FAM78A: variants seen among roughly 807,000 people sequenced by gnomAD.
FAM78A encodes the protein family with sequence similarity 78 member A.
A neutral mutation model predicts 22.6 loss-of-function variants in FAM78A; 12 were observed. The observed-to-expected ratio is 0.53, with a 90% CI of 0.34 to 0.86. The LOEUF (loss-of-function observed/expected upper bound fraction) is 0.86. Among genes scored for constraint, FAM78A ranks in the 40% least tolerant of loss-of-function variants. The pLI, the probability that FAM78A is intolerant of heterozygous loss-of-function variation, is 0.02. For missense variants in FAM78A, 322 were observed against 396.1 expected, an observed-to-expected ratio of 0.81 and a Z score of 1.59; for synonymous variants, 151 against 155.8, an observed-to-expected ratio of 0.97 and a Z score of 0.23.
intron 1 of FAM78A, among the ~76,000 whole-genome samples, chr9:131,273,079 G>A (rs138275439): frequency 2.2e-4 from 34 of 152,318 alleles, no homozygotes; most frequent in Admixed American, 2.1e-3. Context: ...GGTTGAATCC[G>A]GGACTCTGTT....
At chr9:131,279,274 A>G (rs775051445), upstream of FAM78A, among the ~76,000 whole-genome samples, 12 of 152,224 alleles carry the variant, frequency 7.9e-5, no homozygotes, top group Non-Finnish European at 1.8e-4. Flanking sequence ...CATTTCCAGG[A>G]AGAAGTCTTC....
intron 1 of FAM78A, chr9:131,264,356 C>G: frequency 1.9e-6 from 1 of 519,688 alleles, no homozygotes; most frequent in Admixed American, 3.6e-5. Flanking sequence ...CTGCGTCACG[C>G]GGGGCATGGC....
chr9:131,273,018 G>A (rs1201372211), intron 1 of FAM78A, among the ~76,000 whole-genome samples: 1 of 152,160 alleles, frequency 6.6e-6, no homozygotes, highest in African/African-American at 2.4e-5. Context: ...TCAGCAAGGA[G>A]CTAAAGCAAG....
At position 131,275,958 on chromosome 9, in the gene FAM78A, C is replaced by T; in HGVS notation, c.222G>A (p.Gln74=). 1 of 1,613,560 alleles carries T rather than the reference C, an allele frequency of 6.2e-7. No homozygotes were observed. The highest frequency in any genetic ancestry group is 1.7e-5 in the Admixed American group (1 of 60,024). Residue 74 remains glutamine (Q), a synonymous_variant, in exon 1 of 2, where the codon CAG becomes CAA. Transcript: ENST00000372271. This position sits in a 1 kb window ranked among gnomAD's most constrained non-coding sequence, Gnocchi z 4.6. The part of the protein sequence containing the change: ...YRTPHFRASA[Q]VVMPPIPKKE... ...TCTTGGGGATGGGCGGCATGACCAC[C>T]TGGGCCGAGGCCCGGAAGTGGGGTG...
At position 131,272,963 on chromosome 9, in the gene FAM78A, T is replaced by TA. The variant is rs1010879048; in HGVS notation, c.323+2893dup. 8.4e-4 allele frequency among the ~76,000 whole-genome samples: 128 copies of TA among 151,606 alleles called. 1 individual carries two copies. Among genetic ancestry groups the TA allele is most frequent in the East Asian group, 7.8e-4 (4 of 5,158 alleles). ...TAAATAAATAAAAATAAATAAAAAT[T>TA]AAAAAAAAGATAACTAAATCCCACC... On this transcript the variant is annotated intron_variant, in intron 1 of 1. Transcript: ENST00000372271. The surrounding 1 kb of genome is among the most constrained non-coding windows in gnomAD (Gnocchi z 4.1).
At chr9:131,280,642 A>G (rs1835533877), upstream of FAM78A, among the ~76,000 whole-genome samples, 1 of 152,176 alleles carries the variant, frequency 6.6e-6, no homozygotes. Flanking sequence ...GTGGGAGGAC[A>G]AGGTCCTCAA....
At chr9:131,273,934 G>A (rs562301648) in intron 1 of FAM78A, among the ~76,000 whole-genome samples, 60 of 152,224 alleles carry the variant, frequency 3.9e-4, no homozygotes, top group Non-Finnish European at 7.3e-4. Context: ...CTGGAGAGTG[G>A]CAGAACCTGG....
chr9:131,270,600 G>A (rs1588199803), intron 1 of FAM78A: 1 of 703,008 alleles, frequency 1.4e-6, no homozygotes, highest in East Asian at 2.7e-5. Flanking sequence ...CTTGAAACAA[G>A]GACTTCCCTC....
At position 131,272,829 on chromosome 9, in the gene FAM78A, G is replaced by C. The variant is rs1004310017; in HGVS notation, c.323+3028C>G. Among the ~76,000 whole-genome samples, 1 of 152,192 alleles carries C rather than the reference G, an allele frequency of 6.6e-6. No individual in the cohort carries two copies. Among genetic ancestry groups the C allele is most frequent in the African/African-American group, 2.4e-5 (1 of 41,416 alleles). The stretch of plus-strand genomic sequence containing the variant: ...GCCTGTAATCCCAGCTACTCTGGAG[G>C]CTGGAGCCGGAGAATCACTTGAACC... On this transcript the variant is annotated intron_variant, in intron 1 of 1. Coordinates refer to ENST00000372271, the MANE Select transcript of FAM78A (RefSeq NM_033387.4). This position sits in a 1 kb window ranked among gnomAD's most constrained non-coding sequence, Gnocchi z 4.1.
chr9:131,272,924 C>G lies in FAM78A; in HGVS notation c.323+2933G>C, dbSNP rs1835437992. Among the ~76,000 whole-genome samples the G allele has an allele frequency of 6.6e-6, 1 of 151,970 alleles. No homozygotes were observed. The highest frequency in any genetic ancestry group is 6.6e-5 in the Admixed American group (1 of 15,254). The stretch of plus-strand genomic sequence containing the variant: ...TCCAGCCTGGGCGACAAGAATAAGA[C>G]TCTGTCTCAAAAATAAATAAATAAA... On this transcript the variant is annotated intron_variant, in intron 1 of 1. Coordinates refer to ENST00000372271, the MANE Select transcript of FAM78A (RefSeq NM_033387.4). This position sits in a 1 kb window ranked among gnomAD's most constrained non-coding sequence, Gnocchi z 4.1.
At chr9:131,279,967 G>A (rs1468824294), upstream of FAM78A, among the ~76,000 whole-genome samples, 1 of 152,206 alleles carries the variant, frequency 6.6e-6, no homozygotes, top group East Asian at 1.9e-4. Context: ...TCAGAACTAG[G>A]ATGGGACTGA....
At chr9:131,277,792 CTTTAT>C (rs1314024056), upstream of FAM78A, among the ~76,000 whole-genome samples, 1 of 151,430 alleles carries the variant, frequency 6.6e-6, no homozygotes, top group Non-Finnish European at 1.5e-5. This position sits in a 1 kb window ranked among gnomAD's most constrained non-coding sequence, Gnocchi z 8.4. Context: ...CGCGCGCCTC[CTTTAT>C]TTTATGATCA....
At chr9:131,266,630 G>A (rs1046757097) in intron 1 of FAM78A, among the ~76,000 whole-genome samples, 1 of 152,160 alleles carries the variant, frequency 6.6e-6, no homozygotes, top group South Asian at 2.1e-4. Flanking sequence ...GGTGCCTCCT[G>A]CTATTCAACG....
chr9:131,267,547 A>C (rs1258485086), intron 1 of FAM78A, among the ~76,000 whole-genome samples: 1 of 152,172 alleles, frequency 6.6e-6, no homozygotes, highest in South Asian at 2.1e-4. Flanking sequence ...AAGAAACAAA[A>C]TCAACTAAAT....
intron 1 of FAM78A, among the ~76,000 whole-genome samples, chr9:131,267,740 T>C (rs1458676501): frequency 6.6e-6 from 1 of 152,098 alleles, no homozygotes; most frequent in African/African-American, 2.4e-5. Flanking sequence ...GAAACACCTT[T>C]ACAGATAAAG....
At position 131,265,639 on chromosome 9, in the gene FAM78A, G is replaced by A. The variant is rs1835334665; in HGVS notation, c.324-4289C>T. Among the ~76,000 whole-genome samples the A allele has an allele frequency of 6.6e-6, 1 of 152,184 alleles. No individual in the cohort carries two copies. The highest frequency in any genetic ancestry group is 2.4e-5 in the African/African-American group (1 of 41,434). On this transcript the variant is annotated intron_variant, in intron 1 of 1. Coordinates refer to ENST00000372271, the MANE Select transcript of FAM78A (RefSeq NM_033387.4). The surrounding 1 kb of genome is among the most constrained non-coding windows in gnomAD (Gnocchi z 4.3). ...TGACCTCAGGTGACTGCCCGCCTCG[G>A]CCTCCCAAAGTGCTGGGATTACAGG...
rs1383091001 is a variant in FAM78A, at chr9:131,261,116, G to A, written c.558C>T (p.Asp186=). Residue 186 remains aspartate (D), a synonymous_variant, in exon 2 of 2, where the codon GAC becomes GAT. Transcript: ENST00000372271. The surrounding 1 kb of genome is among the most constrained non-coding windows in gnomAD (Gnocchi z 7.1). The stretch of plus-strand genomic sequence containing the variant: ...CCACCAGCCAGGTGGTGAAGCTCTG[G>A]TCCCGGTAGATATTGGTGAGCTTGG... The part of the protein sequence containing the change: ...NVAKLTNIYR[D]QSFTTWLVAT... 4.3e-6 allele frequency: 7 copies of A among 1,614,006 alleles called. No homozygotes were observed. Among genetic ancestry groups the A allele is most frequent in the African/African-American group, 1.3e-5 (1 of 74,918 alleles).
rs34529035 is a variant in FAM78A at position 131,258,132 on chromosome 9, T to TAAAAA, written c.*2685_*2689dup. 6.7e-6 allele frequency: 1 copy of TAAAAA among 149,576 alleles called. No homozygotes were observed. 9.3% of individuals were successfully genotyped at this position (149,576 alleles called of 1,614,324 possible). On this transcript the variant is annotated 3_prime_UTR_variant, in exon 2 of 2. Transcript: ENST00000372271. ...ATGAATATTTGCTTTTTGTTTTTTG[T>TAAAAA]AAAAAAAAAAAGGTTCATTGTACAT...
At chr9:131,266,130 C>T (rs1835341188) in intron 1 of FAM78A, among the ~76,000 whole-genome samples, 1 of 152,140 alleles carries the variant, frequency 6.6e-6, no homozygotes, top group African/African-American at 2.4e-5. Flanking sequence ...AGGCTGTGCC[C>T]CTTCTCCTCC....
Sources: gnomAD v4.1 joint callset for allele counts (sites outside exome capture counted in the v4.1 genomes callset) on GRCh38, gnomAD v4.1.1 for gene constraint, Gnocchi (gnomAD v3.1) non-coding constraint, MANE v1.5 for transcripts, NCBI Gene and HGNC (gene_info 2026-07-23, HGNC 2026-07-21) for gene names.